The following MAP2K5 variants were observed in gnomAD, a reference collection of about 807,000 sequenced individuals.
MAP2K5 encodes dual specificity mitogen-activated protein kinase kinase 5.
A neutral mutation model predicts 83.1 loss-of-function variants in MAP2K5; 49 were observed. The ratio of observed to expected loss-of-function variants is 0.59; its 90% CI spans 0.47 to 0.75. The LOEUF (loss-of-function observed/expected upper bound fraction) is 0.75, where lower values mean the gene tolerates loss of function less well. Ranked by LOEUF, MAP2K5 falls within the 30% of genes least tolerant of loss-of-function variation. The pLI, the probability that MAP2K5 is intolerant of heterozygous loss-of-function variation, is 0.00. For synonymous variants in MAP2K5, 202 were observed against 191.8 expected (o/e 1.05, Z -0.44); for missense variants, 457 against 557.5 (o/e 0.82, Z 1.82).
rs1458945449 is a variant in MAP2K5 at position 67,778,642 on chromosome 15, TGA to T, written c.1242+5894_1242+5895del. On this transcript the variant is annotated intron_variant, in intron 21 of 21. Transcript: ENST00000178640. This position sits in a 1 kb window ranked among gnomAD's most constrained non-coding sequence, Gnocchi z 5.0. Reference sequence around the variant, plus strand: ...AAGATGGAAAAGGATCTTACCTCTGTGAGAGCAGGGTGATCCTTTGCGGTTAG... The same window carrying T: ...AAGATGGAAAAGGATCTTACCTCTGTGAGCAGGGTGATCCTTTGCGGTTAG... 2.0e-5 allele frequency among the ~76,000 whole-genome samples: 3 copies of T among 152,168 alleles called. No individual in the cohort carries two copies. Among genetic ancestry groups the T allele is most frequent in the African/African-American group, 4.8e-5 (2 of 41,434 alleles).
Position 67,802,727 on chromosome 15 carries a change from G to A in MAP2K5, c.1243-3919G>A, listed in dbSNP as rs1038333023. Among the ~76,000 whole-genome samples, 1 of 152,262 alleles carries A rather than the reference G, an allele frequency of 6.6e-6. No individual in the cohort carries two copies. Among genetic ancestry groups the A allele is most frequent in the African/African-American group, 2.4e-5 (1 of 41,464 alleles). On this transcript the variant is annotated intron_variant, in intron 21 of 21. Transcript: ENST00000178640. The surrounding 1 kb of genome is among the most constrained non-coding windows in gnomAD (Gnocchi z 5.0). ...CCTGGGGCGGTCACCGTGGGTGGAA[G>A]ATGCTCTTGACAAGCATCTGTATTG... is the stretch of plus-strand genomic sequence containing the variant.
At chr15:67,773,407 G>C (rs1441549885) in intron 21 of MAP2K5, among the ~76,000 whole-genome samples, 1 of 152,180 alleles carries the variant, frequency 6.6e-6, no homozygotes, top group Admixed American at 6.5e-5. Context: ...TCGAGCATTA[G>C]TAAATAATAA....
In MAP2K5 at chr15:67,722,250, C is replaced by T. The variant is rs2088981127; in HGVS notation, c.1045-5666C>T. ...TGGCGTTATACATTAAAAATTGAAG[C>T]TTTCCTCACTCTGAGGCCTTTCAAG... On this transcript the variant is annotated intron_variant, in intron 16 of 21. Transcript: ENST00000178640. This position sits in a 1 kb window ranked among gnomAD's most constrained non-coding sequence, Gnocchi z 4.2. 6.6e-6 allele frequency among the ~76,000 whole-genome samples: 1 copy of T among 152,192 alleles called. No homozygotes were observed. Among genetic ancestry groups the T allele is most frequent in the African/African-American group, 2.4e-5 (1 of 41,450 alleles).
intron 9 of MAP2K5, among the ~76,000 whole-genome samples, chr15:67,635,007 T>C (rs1356551488): frequency 6.6e-6 from 1 of 152,154 alleles, no homozygotes; most frequent in Non-Finnish European, 1.5e-5. Context: ...GCTTTAGAAT[T>C]CATAACTTAA....
intron 16 of MAP2K5, among the ~76,000 whole-genome samples, chr15:67,713,865 A>G (rs907562342): frequency 6.6e-6 from 1 of 152,198 alleles, no homozygotes; most frequent in Non-Finnish European, 1.5e-5. Context: ...AAGGGCTGTT[A>G]TCCTAATTTT....
chr15:67,693,623 A>G (rs1365178483), intron 15 of MAP2K5, 55 bp downstream of exon 15: 5 of 1,275,100 alleles, frequency 3.9e-6, no homozygotes, highest in African/African-American at 1.5e-5. Context: ...ATCTTTATGT[A>G]CTTGGTAATG....
chr15:67,721,942 C>T (rs2088968780), intron 16 of MAP2K5, among the ~76,000 whole-genome samples: 1 of 152,064 alleles, frequency 6.6e-6, no homozygotes, highest in South Asian at 2.1e-4. Flanking sequence ...CTTTAATTTG[C>T]AGTGTATTAT....
intron 13 of MAP2K5, 104 bp from the exon 14 acceptor site, chr15:67,692,375 G>A (rs2088135245): frequency 1.4e-6 from 1 of 689,782 alleles, no homozygotes; most frequent in Admixed American, 2.6e-5. Context: ...TTGAGCAGAT[G>A]ATGTCATTTC....
intron 11 of MAP2K5, among the ~76,000 whole-genome samples, chr15:67,654,069 C>G (rs2087013341): frequency 6.6e-6 from 1 of 151,916 alleles, no homozygotes; most frequent in Non-Finnish European, 1.5e-5. Context: ...TAATACTGTT[C>G]AGTATTTTCT....
rs192272892 is a variant in MAP2K5 at position 67,671,529 on chromosome 15, G to A, written c.847+6884G>A. On this transcript the variant is annotated intron_variant, in intron 13 of 21. Transcript: ENST00000178640. ...CAGACTCATGTTATCAAATCAAAAGGCATCTTTAAGGGAAACTGTTTTTAA... is the reference window on the plus strand; with the variant it reads ...CAGACTCATGTTATCAAATCAAAAGACATCTTTAAGGGAAACTGTTTTTAA... 2.2e-4 allele frequency among the ~76,000 whole-genome samples: 34 copies of A among 152,128 alleles called. No homozygotes were observed. The East Asian group carries it at 5.4e-3, about 24-fold the overall frequency.
At chr15:67,583,911 AT>A (rs920944979) in intron 4 of MAP2K5, among the ~76,000 whole-genome samples, 16 of 150,506 alleles carry the variant, frequency 1.1e-4, no homozygotes, top group African/African-American at 3.4e-4. Context: ...CACGCTGGGC[AT>A]TTTTTTTTAA....
At chr15:67,673,927 C>G (rs767433859) in intron 13 of MAP2K5, among the ~76,000 whole-genome samples, 1 of 152,140 alleles carries the variant, frequency 6.6e-6, no homozygotes, top group Non-Finnish European at 1.5e-5. Context: ...CGGCTCACTG[C>G]AACCTCCACC....
chr15:67,662,178 A>G (rs1466731040), intron 12 of MAP2K5, among the ~76,000 whole-genome samples: 1 of 152,162 alleles, frequency 6.6e-6, no homozygotes, highest in African/African-American at 2.4e-5. Flanking sequence ...ACCCTTTGAG[A>G]ACAATTAAAA....
chr15:67,682,318 G>A (rs563968702), intron 13 of MAP2K5, among the ~76,000 whole-genome samples: 13 of 151,756 alleles, frequency 8.6e-5, no homozygotes, highest in African/African-American at 3.1e-4. Context: ...CTGGGTTCAA[G>A]CGATTCTCCT....
Position 67,801,115 on chromosome 15 carries a change from A to C in MAP2K5, c.1243-5531A>C, listed in dbSNP as rs2090698690. Among the ~76,000 whole-genome samples the C allele has an allele frequency of 6.6e-6, 1 of 152,176 alleles. No individual in the cohort carries two copies. Among genetic ancestry groups the C allele is most frequent in the African/African-American group, 2.4e-5 (1 of 41,440 alleles). ...GGACTGTGAGATCCCATCTAGTCCT[A>C]ACACTCCATTAGTGTGAGAAGGGAC... On this transcript the variant is annotated intron_variant, in intron 21 of 21. Transcript: ENST00000178640. The surrounding 1 kb of genome is among the most constrained non-coding windows in gnomAD (Gnocchi z 4.8).
chr15:67,600,001 A>G (rs1233838736), intron 7 of MAP2K5, among the ~76,000 whole-genome samples: 1 of 152,194 alleles, frequency 6.6e-6, no homozygotes, highest in African/African-American at 2.4e-5. Context: ...AAACTTATAT[A>G]TAAAGTTACG....
intron 7 of MAP2K5, among the ~76,000 whole-genome samples, chr15:67,594,490 A>G (rs2085480745): frequency 6.6e-6 from 1 of 152,216 alleles, no homozygotes; most frequent in Admixed American, 6.5e-5. Context: ...AGCCCAGACA[A>G]TGGAAAATAA....
At position 67,702,533 on chromosome 15, in the gene MAP2K5, C is replaced by T. The variant is rs1441233656; in HGVS notation, c.973-804C>T. Among the ~76,000 whole-genome samples, 2 of 152,174 alleles carry T rather than the reference C, an allele frequency of 1.3e-5. No individual in the cohort carries two copies. The highest frequency in any genetic ancestry group is 2.9e-5 in the Non-Finnish European group (2 of 68,036). ...TCCGTTTCTCTTATTCATTTGTTCA[C>T]GTGTTCATTCCAAAGCCATCTATGA... is the stretch of plus-strand genomic sequence containing the variant. On this transcript the variant is annotated intron_variant, in intron 15 of 21. Transcript: ENST00000178640. This position sits in a 1 kb window ranked among gnomAD's most constrained non-coding sequence, Gnocchi z 4.6.
chr15:67,646,387 G>A lies in MAP2K5; in HGVS notation c.655-1G>A. The A allele has an allele frequency of 1.3e-6, 2 of 1,577,576 alleles. No individual in the cohort carries two copies. Among genetic ancestry groups the A allele is most frequent in the Admixed American group, 1.7e-5 (1 of 59,594 alleles). On this transcript the variant is annotated splice_acceptor_variant, in intron 10 of 21. Transcript: ENST00000178640. LOFTEE classifies it high-confidence loss of function. ...CTACTTTTGTCTTATTTTTGTTACAGTGCGATTCATCATATATCATTGGAT... is the reference window on the plus strand; with the variant it reads ...CTACTTTTGTCTTATTTTTGTTACAATGCGATTCATCATATATCATTGGAT...
Sources: gnomAD v4.1 joint callset for allele counts (sites outside exome capture counted in the v4.1 genomes callset) on GRCh38, gnomAD v4.1.1 for gene constraint, Gnocchi (gnomAD v3.1) non-coding constraint, MANE v1.5 for transcripts, NCBI Gene and HGNC (gene_info 2026-07-23, HGNC 2026-07-21) for gene names.